The following NBEA variants were observed in gnomAD, a reference collection of about 807,000 sequenced individuals.
NBEA encodes the protein neurobeachin.
Under a neutral mutation model 343.4 loss-of-function variants are expected in NBEA, and 44 were observed. The ratio of observed to expected loss-of-function variants is 0.13; its 90% confidence interval spans 0.10 to 0.16. The LOEUF is 0.16. Among genes scored for constraint, NBEA ranks in the 10% least tolerant of loss-of-function variants. The probability of loss-of-function intolerance (pLI) is 1.00; values close to 1 mark genes in which losing one functional copy is unlikely to be tolerated. For synonymous variants in NBEA, 1,175 were observed against 1,238.7 expected (o/e 0.95, Z 1.08); for missense variants, 2,555 against 3,631.3 (o/e 0.70, Z 7.62).
intron 49 of NBEA, among the ~76,000 whole-genome samples, chr13:35,640,687 G>C (rs768118943): frequency 6.6e-6 from 1 of 152,188 alleles, no homozygotes; most frequent in Non-Finnish European, 1.5e-5. Flanking sequence ...AAAAGAGAAA[G>C]TGTCCCTAAT....
chr13:35,616,862 C>T (rs1348842847), intron 48 of NBEA, among the ~76,000 whole-genome samples: 1 of 152,164 alleles, frequency 6.6e-6, no homozygotes. Context: ...TTTTTAACAT[C>T]TAAAGTGCTG....
chr13:35,158,730 G>C (rs1170260490), intron 21 of NBEA, among the ~76,000 whole-genome samples: 1 of 151,886 alleles, frequency 6.6e-6, no homozygotes, highest in Non-Finnish European at 1.5e-5. Flanking sequence ...ATTTGGTTTG[G>C]GTAACATTGA....
At chr13:35,236,406 TTTTTGTTTTGTTTTGTTTTG>T (rs147528572) in intron 34 of NBEA, among the ~76,000 whole-genome samples, 75,022 of 146,980 alleles carry the variant, frequency 0.51, 21,436 homozygotes, top group Non-Finnish European at 0.63. Flanking sequence ...CATTTAATCC[TTTTTGTTTTGTTTTGTTTTG>T]TTTTGTTTTG....
At chr13:35,517,427 T>G (rs2152990292) in intron 41 of NBEA, among the ~76,000 whole-genome samples, 1 of 152,370 alleles carries the variant, frequency 6.6e-6, no homozygotes, top group East Asian at 1.9e-4. Context: ...TATGCTTTGA[T>G]TATCTCAACC....
At chr13:35,067,030 A>G (rs1248022186) in intron 8 of NBEA, among the ~76,000 whole-genome samples, 10 of 152,108 alleles carry the variant, frequency 6.6e-5, no homozygotes, top group Non-Finnish European at 2.9e-5. Context: ...CTAGTGAGTT[A>G]TATAAATGTT....
intron 31 of NBEA, among the ~76,000 whole-genome samples, chr13:35,205,751 A>C (rs1364082758): frequency 6.6e-6 from 1 of 152,056 alleles, no homozygotes. Context: ...TAATAGCTAA[A>C]ATGTATTGGC....
At chr13:35,007,356 T>TCATTA (rs2061352674) in intron 1 of NBEA, among the ~76,000 whole-genome samples, 1 of 152,234 alleles carries the variant, frequency 6.6e-6, no homozygotes, top group Admixed American at 6.5e-5. Flanking sequence ...TCTAGTTCAC[T>TCATTA]CATTACTTCT....
chr13:35,575,948 A>G (rs1398751578), intron 45 of NBEA, among the ~76,000 whole-genome samples: 1 of 152,162 alleles, frequency 6.6e-6, no homozygotes, highest in East Asian at 1.9e-4. Flanking sequence ...GAACATAACA[A>G]TAACAGCCAA....
At chr13:34,964,491 A>G (rs2059757802) in intron 1 of NBEA, among the ~76,000 whole-genome samples, 1 of 151,964 alleles carries the variant, frequency 6.6e-6, no homozygotes, top group Non-Finnish European at 1.5e-5. Context: ...GAATTTAATT[A>G]TTCTTATGGC....
At chr13:35,374,173 G>T (rs1013203810) in intron 38 of NBEA, among the ~76,000 whole-genome samples, 4 of 150,974 alleles carry the variant, frequency 2.6e-5, no homozygotes, top group Non-Finnish European at 4.4e-5. Flanking sequence ...GATGCCATTA[G>T]TTGGGGTTAT....
intron 41 of NBEA, among the ~76,000 whole-genome samples, chr13:35,503,524 C>A (rs545314335): frequency 1.3e-5 from 2 of 151,780 alleles, no homozygotes; most frequent in Admixed American, 6.6e-5. Context: ...TAACTAATCA[C>A]CTACAGGTAA....
chr13:35,208,348 G>T (rs756388879), intron 31 of NBEA, among the ~76,000 whole-genome samples: 1 of 152,072 alleles, frequency 6.6e-6, no homozygotes, highest in African/African-American at 2.4e-5. Flanking sequence ...CATTTTTTAT[G>T]TATATTTTGC....
chr13:35,078,649 C>T (rs2152595793), intron 10 of NBEA, among the ~76,000 whole-genome samples: 1 of 152,274 alleles, frequency 6.6e-6, no homozygotes, highest in African/African-American at 2.4e-5. Context: ...TTATAATCTT[C>T]TTACTGAGAT....
intron 33 of NBEA, 130 bp downstream of exon 33, chr13:35,211,309 C>T: frequency 1.2e-6 from 1 of 830,564 alleles, no homozygotes; most frequent in Non-Finnish European, 1.8e-6. Context: ...TTTCACAATT[C>T]TGATATTTTT....
intron 41 of NBEA, among the ~76,000 whole-genome samples, chr13:35,539,372 G>C (rs1053575762): frequency 6.6e-6 from 1 of 152,168 alleles, no homozygotes; most frequent in Non-Finnish European, 1.5e-5. Flanking sequence ...AAGTGTGACA[G>C]AACACGGCAC....
intron 26 of NBEA, 64 bp from the exon 27 acceptor site, chr13:35,173,400 A>C: frequency 1.4e-6 from 2 of 1,407,040 alleles, no homozygotes; most frequent in South Asian, 1.5e-5. Context: ...TAAACTTGCA[A>C]CTTTTTCCAG....
At chr13:35,414,206 T>C (rs1343724352) in intron 38 of NBEA, among the ~76,000 whole-genome samples, 3 of 151,346 alleles carry the variant, frequency 2.0e-5, no homozygotes, top group African/African-American at 7.3e-5. Flanking sequence ...GCTTACAAAT[T>C]ATTAATAATA....
At chr13:35,045,082 C>A (rs2062799082) in intron 3 of NBEA, 35 bp downstream of exon 3, 1 of 1,526,380 alleles carries the variant, frequency 6.6e-7, no homozygotes, top group South Asian at 1.2e-5. Context: ...TATTCAGTAT[C>A]AGTCCATTAA....
chr13:35,197,746 C>T (rs562785766), intron 31 of NBEA, among the ~76,000 whole-genome samples: 12 of 152,232 alleles, frequency 7.9e-5, no homozygotes, highest in Non-Finnish European at 1.3e-4. Context: ...ATGATCCACC[C>T]GCCTTTGCCT....
Sources: gnomAD v4.1 joint callset for allele counts (sites outside exome capture counted in the v4.1 genomes callset) on GRCh38, gnomAD v4.1.1 for gene constraint, MANE v1.5 for transcripts, NCBI Gene and HGNC (gene_info 2026-07-23, HGNC 2026-07-21) for gene names.